Variants in FANCB observed in about 807,000 individuals in gnomAD.
FANCB encodes the protein Fanconi anemia group B protein.
In FANCB, 5 loss-of-function variants were observed where a neutral mutation model predicts 38.9. The observed-to-expected ratio is 0.13, with a 90% CI of 0.07 to 0.27. FANCB has a LOEUF of 0.27. Among genes scored for constraint, FANCB ranks in the 10% least tolerant of loss-of-function variants. FANCB has a pLI of 1.00. For synonymous variants in FANCB, 236 were observed against 215.4 expected (o/e 1.10, Z -0.84); for missense variants, 573 against 602.7 (o/e 0.95, Z 0.52).
Position 14,843,849 on chromosome X carries a change from T to C in FANCB, c.2298A>G (p.Glu766=). 9.9e-6 allele frequency: 12 copies of C among 1,209,677 alleles called. No homozygotes were observed. The highest frequency in any genetic ancestry group is 1.3e-5 in the Non-Finnish European group (12 of 894,587). The change falls in exon 10 of 10, where the codon GAA becomes GAG. Residue 766 remains glutamate, a synonymous_variant. Coordinates refer to ENST00000650831, the MANE Select transcript of FANCB (RefSeq NM_001018113.3). ...AAGAAAGAGAACTAAGGGTGACTAG[T>C]TCCTTCTCCAAAGTAAATGCCATAT... ...IDNMAFTLEK[E]LVTLSSLSSA...
At chrX:14,838,522 T>C (rs1398992176), downstream of FANCB, among the ~76,000 whole-genome samples, 1 of 111,690 alleles carries the variant, frequency 9.0e-6, no homozygotes, top group African/African-American at 3.3e-5. Flanking sequence ...ACACCCCCAA[T>C]GTTTTTACTA....
chrX:14,853,318 T>G, intron 5 of FANCB, 151 bp from the exon 6 acceptor site: 1 of 479,674 alleles, frequency 2.1e-6, no homozygotes, highest in East Asian at 4.2e-5. Flanking sequence ...ACAGTTTTGT[T>G]TATAGATTTT....
the FANCB span, among the ~76,000 whole-genome samples, chrX:14,787,469 G>A: frequency 9.1e-6 from 1 of 110,497 alleles, no homozygotes; most frequent in Non-Finnish European, 1.9e-5. Flanking sequence ...ACGACTTAGT[G>A]ATCTATTGCA....
chrX:14,854,408 T>A (rs766424209), intron 5 of FANCB, among the ~76,000 whole-genome samples: 49 of 111,889 alleles, frequency 4.4e-4, no homozygotes, highest in Admixed American at 1.5e-3. Flanking sequence ...AGTTAAATAA[T>A]CTTGGCTGTG....
At chrX:14,690,870 C>T in the FANCB span, 1 of 1,207,092 alleles carries the variant, frequency 8.3e-7, no homozygotes, top group Non-Finnish European at 1.1e-6. Flanking sequence ...GTATGATTGC[C>T]CCTCAGTTCA....
chrX:14,850,683 A>C lies in FANCB; in HGVS notation c.1327-9T>G. 9.3e-7 allele frequency: 1 copy of C among 1,078,018 alleles called. No individual in the cohort carries two copies. Among genetic ancestry groups the C allele is most frequent in the Non-Finnish European group, 1.3e-6 (1 of 779,726 alleles). The allele number at this position is 1,078,018 out of a possible 1,213,427, so 88.8% of individuals were successfully genotyped here. A position where few individuals can be genotyped will look rare whatever the true frequency, so the allele number is the denominator to read the frequency against. ...GGAACAAGACATTCCTTCTAAAAAA[A>C]AAAGTTTAAATAACTGATTATAAAA... On this transcript the variant is annotated splice_polypyrimidine_tract_variant and intron_variant, in intron 6 of 9. Transcript: ENST00000650831.
chrX:14,802,959 C>A, the FANCB span, among the ~76,000 whole-genome samples: 1 of 111,811 alleles, frequency 8.9e-6, no homozygotes, highest in African/African-American at 3.3e-5. Context: ...AATGCACAGG[C>A]CTTCAGTCAA....
intron 1 of FANCB, among the ~76,000 whole-genome samples, chrX:14,872,295 A>C (rs942939844): frequency 8.9e-6 from 1 of 112,464 alleles, no homozygotes; most frequent in Non-Finnish European, 1.9e-5. Context: ...GTTGATGGAA[A>C]TATGGGGGAC....
chrX:14,839,450 T>G (rs1014843673), downstream of FANCB, among the ~76,000 whole-genome samples: 3 of 111,536 alleles, frequency 2.7e-5, no homozygotes, highest in East Asian at 5.6e-4. Flanking sequence ...GAGAAACAAG[T>G]TAAATAATCT....
At chrX:14,838,354 C>T (rs1363913806) in intron 10 of FANCB, among the ~76,000 whole-genome samples, 2 of 111,820 alleles carry the variant, frequency 1.8e-5, no homozygotes, top group African/African-American at 6.5e-5. Context: ...CTTCAGGAAA[C>T]ACCTGACTAG....
At chrX:14,715,083 C>T in the FANCB span, among the ~76,000 whole-genome samples, 1 of 112,118 alleles carries the variant, frequency 8.9e-6, no homozygotes, top group African/African-American at 3.2e-5. Flanking sequence ...GAAAAAAAGT[C>T]TTTATATTCT....
At chrX:14,780,928 C>T in the FANCB span, among the ~76,000 whole-genome samples, 1 of 109,304 alleles carries the variant, frequency 9.1e-6, no homozygotes, top group South Asian at 3.8e-4. Flanking sequence ...CCAATTTTTT[C>T]CCCAAAGCAG....
chrX:14,787,424 G>C, the FANCB span, among the ~76,000 whole-genome samples: 1 of 110,047 alleles, frequency 9.1e-6, no homozygotes, highest in Non-Finnish European at 1.9e-5. Flanking sequence ...TGTGGAAAAA[G>C]GGTCAAAGGG....
chrX:14,727,621 A>T, the FANCB span, among the ~76,000 whole-genome samples: 1 of 112,373 alleles, frequency 8.9e-6, no homozygotes, highest in East Asian at 2.8e-4. Context: ...TAATTAATAT[A>T]TCCAGTTATT....
At chrX:14,866,733 C>T (rs1390356010) in intron 2 of FANCB, among the ~76,000 whole-genome samples, 7 of 111,853 alleles carry the variant, frequency 6.3e-5, no homozygotes, top group Non-Finnish European at 7.5e-5. Flanking sequence ...GAAATCCTAG[C>T]CAAAGCAATT....
downstream of FANCB, among the ~76,000 whole-genome samples, chrX:14,833,739 C>T (rs756588943): frequency 1.4e-4 from 15 of 109,198 alleles, no homozygotes; most frequent in African/African-American, 4.0e-4. Context: ...GTGGGCGCAT[C>T]GCCTGAGCCC....
At chrX:14,835,788 A>G (rs1205486646), downstream of FANCB, among the ~76,000 whole-genome samples, 1 of 112,282 alleles carries the variant, frequency 8.9e-6, no homozygotes, top group Non-Finnish European at 1.9e-5. Flanking sequence ...GTTAGGAAGG[A>G]TGCAGAGAAA....
At chrX:14,763,658 C>T in the FANCB span, among the ~76,000 whole-genome samples, 11 of 111,399 alleles carry the variant, frequency 9.9e-5, no homozygotes, top group African/African-American at 3.6e-4. Context: ...GAAGTCATAT[C>T]ACGATTGTTT....
In FANCB at chrX:14,854,119, T is replaced by C. The variant is rs986734674; in HGVS notation, c.1198-952A>G. Among the ~76,000 whole-genome samples, 27 of 111,889 alleles carry C rather than the reference T, an allele frequency of 2.4e-4. No homozygotes were observed. In the Middle Eastern group the frequency reaches 0.014, roughly 57 times the overall value. On this transcript the variant is annotated intron_variant, in intron 5 of 9. Coordinates refer to ENST00000650831, the MANE Select transcript of FANCB (RefSeq NM_001018113.3). ...CTATATGTTACCTTATTGCACAAAGTATGTAAAGTGTCTAGCTAATATTTT... is the reference window on the plus strand; with the variant it reads ...CTATATGTTACCTTATTGCACAAAGCATGTAAAGTGTCTAGCTAATATTTT...
Sources: allele counts gnomAD v4.1 joint callset (sites outside exome capture counted in the v4.1 genomes callset), GRCh38; gene constraint gnomAD v4.1.1; transcripts MANE v1.5; gene names NCBI Gene and HGNC (gene_info 2026-07-23, HGNC 2026-07-21).